Variants in LRRC8D observed in about 807,000 individuals in gnomAD.
LRRC8D encodes the protein leucine rich repeat containing 8 VRAC subunit D.
In LRRC8D, 20 loss-of-function variants were observed where a neutral mutation model predicts 55.8. The observed-to-expected ratio is 0.36, with a 90% CI of 0.25 to 0.52. LRRC8D has a LOEUF of 0.52. LRRC8D is among the 20% of genes least tolerant of loss of function. LRRC8D has a pLI of 0.93. For synonymous variants in LRRC8D, 352 were observed against 377.0 expected (o/e 0.93, Z 0.77); for missense variants, 651 against 1,030.8 (o/e 0.63, Z 5.05).
At chr1:89,826,713 A>G (rs1484021002) in intron 1 of LRRC8D, among the ~76,000 whole-genome samples, 1 of 152,208 alleles carries the variant, frequency 6.6e-6, no homozygotes, top group Non-Finnish European at 1.5e-5. Context: ...AGGTGTGTAA[A>G]CAGTGGGGTC....
At chr1:89,853,654 C>A (rs543330052) in intron 2 of LRRC8D, among the ~76,000 whole-genome samples, 1 of 152,054 alleles carries the variant, frequency 6.6e-6, no homozygotes, top group East Asian at 1.9e-4. Context: ...GCCACGCTGC[C>A]CAGAGAGTAA....
At chr1:89,914,522 C>G (rs1352912373) in intron 2 of LRRC8D, among the ~76,000 whole-genome samples, 1 of 152,232 alleles carries the variant, frequency 6.6e-6, no homozygotes, top group Non-Finnish European at 1.5e-5. Context: ...AATGTGACTA[C>G]AGATTATTTG....
chr1:89,823,926 A>T (rs116639833), intron 1 of LRRC8D, among the ~76,000 whole-genome samples: 1,591 of 152,286 alleles, frequency 0.01, 22 homozygotes, highest in African/African-American at 0.035. Context: ...CGACTAATAA[A>T]GGAGGGTAGA....
intron 2 of LRRC8D, among the ~76,000 whole-genome samples, chr1:89,872,941 G>A (rs1015970250): frequency 7.2e-5 from 11 of 152,308 alleles, no homozygotes; most frequent in East Asian, 5.8e-4. Context: ...AATTAAGATA[G>A]CATCTTGGGA....
intron 2 of LRRC8D, among the ~76,000 whole-genome samples, chr1:89,900,836 C>G (rs1489309643): frequency 1.3e-5 from 2 of 152,212 alleles, no homozygotes; most frequent in Non-Finnish European, 2.9e-5. Context: ...TATCCTTACC[C>G]TGTTTCCTTC....
intron 2 of LRRC8D, among the ~76,000 whole-genome samples, chr1:89,901,348 A>G (rs1210193224): frequency 1.3e-5 from 2 of 152,222 alleles, no homozygotes; most frequent in African/African-American, 4.8e-5. Context: ...TGCCTTGGGT[A>G]AATCATCAGT....
rs964990612 is a variant in LRRC8D, at chr1:89,851,996, T to C, written c.-3+8214T>C. Among the ~76,000 whole-genome samples the C allele has an allele frequency of 3.7e-5, 5 of 135,140 alleles. No homozygotes were observed. In the Admixed American group the frequency reaches 3.8e-4, roughly 10 times the overall value. 88.7% of individuals were successfully genotyped at this position (135,140 alleles called of 152,430 possible). ...TATAGGATTACGTAGATAATAGCTG[T>C]ATTTTTTTTTTTCTAGTGTCTGTAG... On this transcript the variant is annotated intron_variant, in intron 2 of 2. Coordinates refer to ENST00000337338, the MANE Select transcript of LRRC8D (RefSeq NM_001134479.2).
intron 1 of LRRC8D, among the ~76,000 whole-genome samples, chr1:89,835,135 C>T (rs993356064): frequency 6.6e-6 from 1 of 152,156 alleles, no homozygotes; most frequent in African/African-American, 2.4e-5. Context: ...CAGGAGCACC[C>T]CTCCACCCCC....
intron 2 of LRRC8D, among the ~76,000 whole-genome samples, chr1:89,898,605 T>C (rs1662772794): frequency 6.6e-6 from 1 of 152,074 alleles, no homozygotes; most frequent in African/African-American, 2.4e-5. Context: ...GATCAGTGAG[T>C]GTAAAGGAGA....
intron 1 of LRRC8D, among the ~76,000 whole-genome samples, chr1:89,832,280 G>A (rs1660906009): frequency 6.6e-6 from 1 of 152,210 alleles, no homozygotes; most frequent in African/African-American, 2.4e-5. Flanking sequence ...CAGAATCCTA[G>A]TCTGAGAGGA....
At chr1:89,924,643 C>T (rs963888741) in intron 2 of LRRC8D, among the ~76,000 whole-genome samples, 1 of 152,012 alleles carries the variant, frequency 6.6e-6, no homozygotes, top group African/African-American at 2.4e-5. Flanking sequence ...TTCACAATAG[C>T]AAAGACATGT....
chr1:89,898,848 CAGAT>C (rs1473663375), intron 2 of LRRC8D, among the ~76,000 whole-genome samples: 1 of 152,190 alleles, frequency 6.6e-6, no homozygotes, highest in Non-Finnish European at 1.5e-5. Flanking sequence ...GAAAATCTCC[CAGAT>C]AGAGTAGAGG....
At chr1:89,838,025 C>G (rs1327706908) in intron 1 of LRRC8D, among the ~76,000 whole-genome samples, 1 of 151,886 alleles carries the variant, frequency 6.6e-6, no homozygotes, top group African/African-American at 2.4e-5. Flanking sequence ...AGGATCCAAC[C>G]CTTTTACATT....
In LRRC8D at chr1:89,933,397, C is replaced by T. The variant is rs1663760219; in HGVS notation, c.329C>T (p.Pro110Leu). 1 of 1,614,094 alleles carries T rather than the reference C, an allele frequency of 6.2e-7. No homozygotes were observed. The change falls in exon 3 of 3, where the codon CCT (proline) becomes CTT (leucine). Residue 110 changes from proline to leucine, a missense_variant. This residue lies in a region of LRRC8D where 118 missense variants were observed against 138.0 expected (regional missense o/e 0.85). Transcript: ENST00000337338. This position sits in a 1 kb window ranked among gnomAD's most constrained non-coding sequence, Gnocchi z 7.0. ...ACATCTGCTGTGACACCTGACATAC[C>T]TCTCAGAGCCACATATCCTCGCACA... ...FGTSAVTPDIPLRATYPRTDF... is the reference protein window; with the variant it reads ...FGTSAVTPDILLRATYPRTDF...
intron 2 of LRRC8D, among the ~76,000 whole-genome samples, chr1:89,887,863 G>T (rs1476022606): frequency 6.6e-6 from 1 of 152,168 alleles, no homozygotes; most frequent in Non-Finnish European, 1.5e-5. Flanking sequence ...CAGTTATTTA[G>T]TTTGTTGGCT....
chr1:89,910,110 T>A (rs575520892), intron 2 of LRRC8D, among the ~76,000 whole-genome samples: 17 of 152,152 alleles, frequency 1.1e-4, no homozygotes, highest in Non-Finnish European at 2.1e-4. Context: ...AAAAAATAAA[T>A]CTTCACAGCC....
At position 89,935,913 on chromosome 1, in the gene LRRC8D, T is replaced by G; in HGVS notation, c.*268T>G. The G allele has an allele frequency of 3.1e-6, 1 of 318,970 alleles. No individual in the cohort carries two copies. The highest frequency in any genetic ancestry group is 6.1e-6 in the Non-Finnish European group (1 of 165,248). The allele number at this position is 318,970 out of a possible 1,614,324, so 19.8% of individuals were successfully genotyped here. A position where few individuals can be genotyped will look rare whatever the true frequency, so the allele number is the denominator to read the frequency against. ...TCACTAATCTTGGTTCTTTTTAAATTGTTTGTAACTTGGATGCTGCCGCTA... is the reference window on the plus strand; with the variant it reads ...TCACTAATCTTGGTTCTTTTTAAATGGTTTGTAACTTGGATGCTGCCGCTA... On this transcript the variant is annotated 3_prime_UTR_variant, in exon 3 of 3. Coordinates refer to ENST00000337338, the MANE Select transcript of LRRC8D (RefSeq NM_001134479.2).
chr1:89,834,570 C>T (rs1660961910), intron 1 of LRRC8D, among the ~76,000 whole-genome samples: 1 of 152,198 alleles, frequency 6.6e-6, no homozygotes, highest in Admixed American at 6.5e-5. Flanking sequence ...GTAAGATATG[C>T]CCCTGCTTTG....
intron 2 of LRRC8D, among the ~76,000 whole-genome samples, chr1:89,900,562 G>T (rs1268059302): frequency 1.3e-5 from 2 of 151,634 alleles, no homozygotes; most frequent in Non-Finnish European, 2.9e-5. Flanking sequence ...GCCAGATGTA[G>T]TACATGTTTA....
Sources: gnomAD v4.1 joint callset for allele counts (sites outside exome capture counted in the v4.1 genomes callset) on GRCh38, gnomAD v4.1.1 for gene constraint, gnomAD v4.1.1 regional missense constraint, Gnocchi (gnomAD v3.1) non-coding constraint, MANE v1.5 for transcripts, NCBI Gene and HGNC (gene_info 2026-07-23, HGNC 2026-07-21) for gene names.